Variants in ITGAM observed in about 807,000 individuals in gnomAD.
ITGAM encodes the protein integrin subunit alpha M.
ITGAM carries 79 observed loss-of-function variants against 137.5 expected under a neutral mutation model. The ratio of observed to expected loss-of-function variants is 0.57; its 90% CI spans 0.48 to 0.69. ITGAM has a LOEUF of 0.69. Ranked by LOEUF, ITGAM falls within the 30% of genes least tolerant of loss-of-function variation. The probability of loss-of-function intolerance (pLI) is 0.00; values close to 1 mark genes in which losing one functional copy is unlikely to be tolerated. For missense variants in ITGAM, 1,343 were observed against 1,483.5 expected, an observed-to-expected ratio of 0.91 and a Z score of 1.56; for synonymous variants, 583 against 592.3, an observed-to-expected ratio of 0.98 and a Z score of 0.23.
At chr16:31,304,033 T>C (rs1013134386) in intron 14 of ITGAM, among the ~76,000 whole-genome samples, 1 of 152,182 alleles carries the variant, frequency 6.6e-6, no homozygotes, top group Admixed American at 6.5e-5. Context: ...ATTTAAGGAA[T>C]CTCCATACTG....
Position 31,270,732 on chromosome 16 carries a change from TATATATATATATG to T in ITGAM, c.428-221_428-209del, listed in dbSNP as rs1200555153. On this transcript the variant is annotated intron_variant, in intron 5 of 29. Coordinates refer to ENST00000544665, the MANE Select transcript of ITGAM (RefSeq NM_000632.4). ...ATATATATATATATATATATATATA[TATATATATATATG>T]TTTTTAACGTGTGTATACATATATA... 8.0e-5 allele frequency among the ~76,000 whole-genome samples: 9 copies of T among 112,444 alleles called. 1 individual carries two copies. The highest frequency in any genetic ancestry group is 2.4e-4 in the South Asian group (1 of 4,128). The allele number at this position is 112,444 out of a possible 152,430, so 73.8% of individuals were successfully genotyped here.
intron 7 of ITGAM, 139 bp downstream of exon 7, chr16:31,272,131 G>A (rs2079848153): frequency 4.0e-6 from 4 of 988,948 alleles, no homozygotes; most frequent in Admixed American, 4.3e-5. Flanking sequence ...TGTGCGTGGT[G>A]TGTTCATCAA....
At chr16:31,295,569 TA>T (rs1187954383) in intron 12 of ITGAM, among the ~76,000 whole-genome samples, 1 of 151,386 alleles carries the variant, frequency 6.6e-6, no homozygotes, top group African/African-American at 2.4e-5. Flanking sequence ...ATTTATTCAT[TA>T]GTTCTAGTAG....
intron 24 of ITGAM, 93 bp from the exon 25 acceptor site, chr16:31,329,705 G>T: frequency 2.0e-6 from 2 of 1,017,710 alleles, no homozygotes; most frequent in Non-Finnish European, 3.0e-6. Flanking sequence ...AGGACGCCCG[G>T]GCCTATGGCC....
At chr16:31,319,394 C>G (rs1480289280) in intron 14 of ITGAM, among the ~76,000 whole-genome samples, 1 of 152,048 alleles carries the variant, frequency 6.6e-6, no homozygotes, top group Non-Finnish European at 1.5e-5. Flanking sequence ...ATTGTTGTAA[C>G]TCCTGGTGAA....
chr16:31,304,055 G>A (rs1177652145), intron 14 of ITGAM, among the ~76,000 whole-genome samples: 2 of 152,118 alleles, frequency 1.3e-5, no homozygotes, highest in African/African-American at 4.8e-5. Flanking sequence ...TTTCCATAGA[G>A]GTTGTGCTAA....
At chr16:31,302,107 G>A (rs141412416) in intron 14 of ITGAM, among the ~76,000 whole-genome samples, 4 of 152,194 alleles carry the variant, frequency 2.6e-5, no homozygotes, top group African/African-American at 7.2e-5. Flanking sequence ...TGTAGCTACC[G>A]TCTTTTCTAA....
chr16:31,276,986 A>G lies in ITGAM; in HGVS notation c.1150A>G (p.Lys384Glu). The G allele has an allele frequency of 6.2e-7, 1 of 1,613,222 alleles. No individual in the cohort carries two copies. Among genetic ancestry groups the G allele is most frequent in the Non-Finnish European group, 8.5e-7 (1 of 1,179,602 alleles). Residue 384 changes from lysine (K) to glutamate (E), a missense_variant, in exon 11 of 30, where the codon AAG becomes GAG. Coordinates refer to ENST00000544665, the MANE Select transcript of ITGAM (RefSeq NM_000632.4). ...TGGTGGAGTCTTTCTATATACATCA[A>G]AGGAGAAAAGCACCTTCATCAACAT... Reference protein sequence around the residue: ...WAGGVFLYTSKEKSTFINMTR... With the variant: ...WAGGVFLYTSEEKSTFINMTR...
intron 16 of ITGAM, 99 bp downstream of exon 16, chr16:31,321,726 G>T (rs2080453226): frequency 1.6e-6 from 2 of 1,245,254 alleles, no homozygotes. Context: ...CCTGAACTGA[G>T]TTCTCACAGG....
intron 12 of ITGAM, among the ~76,000 whole-genome samples, chr16:31,280,840 T>C (rs983176276): frequency 2.0e-4 from 31 of 152,164 alleles, no homozygotes; most frequent in African/African-American, 7.5e-4. Flanking sequence ...TTCAGTATGA[T>C]ATTGGCTGCG....
chr16:31,272,423 CTATATATATATATATA>C (rs1307190696), intron 7 of ITGAM, among the ~76,000 whole-genome samples: 949 of 31,488 alleles, frequency 0.03, 24 homozygotes, highest in Non-Finnish European at 0.048. Flanking sequence ...GGCCAATTAA[CTATATATATATATATA>C]TATATATATA....
At chr16:31,318,840 A>G (rs11641202) in intron 14 of ITGAM, among the ~76,000 whole-genome samples, 72,782 of 151,718 alleles carry the variant, frequency 0.48, 18,392 homozygotes, top group East Asian at 0.69. Context: ...TTTTGTTTTA[A>G]AATTAGGTGT....
intron 14 of ITGAM, among the ~76,000 whole-genome samples, chr16:31,314,136 G>T (rs2080365734): frequency 6.6e-6 from 1 of 151,998 alleles, no homozygotes; most frequent in African/African-American, 2.4e-5. Flanking sequence ...TTAGACCTTT[G>T]TCAGATGGAT....
In ITGAM at chr16:31,331,227, T is replaced by C; in HGVS notation, c.3339T>C (p.Ser1113=). The change falls in exon 29 of 30, where the codon TCT becomes TCC. Residue 1113 remains serine, a synonymous_variant. Transcript: ENST00000544665. ...CCCTGCCGCTCATCGTGGGCAGCTC[T>C]GTCGGGGGACTGCTGCTCCTGGCCC... ...PNPLPLIVGS[S]VGGLLLLALI... 6.2e-7 allele frequency: 1 copy of C among 1,613,506 alleles called. No homozygotes were observed. The highest frequency in any genetic ancestry group is 8.5e-7 in the Non-Finnish European group (1 of 1,179,720).
intron 7 of ITGAM, among the ~76,000 whole-genome samples, chr16:31,272,819 A>T (rs1192410916): frequency 2.0e-5 from 3 of 151,894 alleles, no homozygotes; most frequent in Non-Finnish European, 4.4e-5. Flanking sequence ...CTCAGTTAAA[A>T]AACCCAAATT....
At chr16:31,264,212 C>T (rs958532750) in intron 2 of ITGAM, among the ~76,000 whole-genome samples, 3 of 152,000 alleles carry the variant, frequency 2.0e-5, no homozygotes, top group African/African-American at 2.4e-5. Context: ...TTTGGGAGGC[C>T]GAGCTGGGCT....
chr16:31,330,104 C>T lies in ITGAM; in HGVS notation c.3000C>T (p.Thr1000=). The T allele has an allele frequency of 6.2e-7, 1 of 1,613,830 alleles. No homozygotes were observed. Among genetic ancestry groups the T allele is most frequent in the Non-Finnish European group, 8.5e-7 (1 of 1,179,814 alleles). ...FSENLSSTCH[T]KERLPSHSDF... ...AGAACCTCTCGAGTACGTGCCACAC[C>T]AAGGAGCGCTTGCCCTCTCACTCCG... is the stretch of plus-strand genomic sequence containing the variant. The change falls in exon 26 of 30, where the codon ACC becomes ACT. Residue 1000 remains threonine, a synonymous_variant. Transcript: ENST00000544665.
At chr16:31,266,558 C>CAA (rs1298506998) in intron 5 of ITGAM, among the ~76,000 whole-genome samples, 7 of 113,732 alleles carry the variant, frequency 6.2e-5, no homozygotes, top group African/African-American at 1.5e-4. Flanking sequence ...CCCGTCTCTA[C>CAA]AAAAAAAAAA....
At position 31,278,108 on chromosome 16, in the gene ITGAM, AG is replaced by A; in HGVS notation, c.1356+1del. 2 of 1,606,358 alleles carry A rather than the reference AG, an allele frequency of 1.2e-6. No homozygotes were observed. The highest frequency in any genetic ancestry group is 2.2e-5 in the South Asian group (2 of 89,456). ...TCCAACGCTAATGTCAAGGGCACCC[AG>A]GTGAGTGCGGTTTGTGGAGCATGAA... ...WESNANVKGT[Q>X]IGAYFGASLC... On this transcript the variant is annotated frameshift_variant and splice_region_variant, in exon 12 of 30. Coordinates refer to ENST00000544665, the MANE Select transcript of ITGAM (RefSeq NM_000632.4). LOFTEE classifies it high-confidence loss of function.
Sources: gnomAD v4.1 joint callset for allele counts (sites outside exome capture counted in the v4.1 genomes callset) on GRCh38, gnomAD v4.1.1 for gene constraint, MANE v1.5 for transcripts, NCBI Gene and HGNC (gene_info 2026-07-23, HGNC 2026-07-21) for gene names.